Variants in NFIX observed in about 807,000 individuals in gnomAD.
The protein encoded by NFIX is nuclear factor I X.
A neutral mutation model predicts 53.3 loss-of-function variants in NFIX; 2 were observed. The ratio of observed to expected loss-of-function variants is 0.04; its 90% CI spans 0.02 to 0.12. NFIX has a LOEUF of 0.12. NFIX is among the 10% of genes least tolerant of loss of function. NFIX has a pLI of 1.00. For synonymous variants in NFIX, 244 were observed against 289.0 expected (o/e 0.84, Z 1.58); for missense variants, 310 against 674.5 (o/e 0.46, Z 5.99).
intron 5 of NFIX, among the ~76,000 whole-genome samples, chr19:13,074,783 G>T (rs1463900367): frequency 6.6e-6 from 1 of 151,444 alleles, no homozygotes; most frequent in African/African-American, 2.4e-5. Flanking sequence ...AAAAATATGG[G>T]ACTAGGCCAG....
Position 13,043,994 on chromosome 19 carries a change from C to T in NFIX, c.559+18442C>T, listed in dbSNP as rs929142550. The stretch of plus-strand genomic sequence containing the variant: ...TAAAAAAAAAGAAAAAAGAGAAAAT[C>T]GGGCCTTATATCATTTTCTACATCC... On this transcript the variant is annotated intron_variant, in intron 2 of 10. Coordinates refer to ENST00000592199, the MANE Select transcript of NFIX (RefSeq NM_001365902.3). This position sits in a 1 kb window ranked among gnomAD's most constrained non-coding sequence, Gnocchi z 4.0. Among the ~76,000 whole-genome samples, 3 of 152,148 alleles carry T rather than the reference C, an allele frequency of 2.0e-5. No individual in the cohort carries two copies. Among genetic ancestry groups the T allele is most frequent in the Admixed American group, 1.3e-4 (2 of 15,272 alleles).
chr19:13,070,933 C>T (rs1599838892), intron 2 of NFIX: 1 of 152,380 alleles, frequency 6.6e-6, no homozygotes, highest in East Asian at 1.9e-4. Flanking sequence ...TGGGTACGCG[C>T]ATGCGCATCC....
At chr19:13,017,670 G>C (rs1049339043) in intron 1 of NFIX, among the ~76,000 whole-genome samples, 4 of 152,214 alleles carry the variant, frequency 2.6e-5, no homozygotes, top group Non-Finnish European at 5.9e-5. Context: ...GGGATTTGCT[G>C]TGGTGCCTGG....
At chr19:13,033,210 T>G (rs2145226998) in intron 2 of NFIX, among the ~76,000 whole-genome samples, 1 of 152,176 alleles carries the variant, frequency 6.6e-6, no homozygotes, top group South Asian at 2.1e-4. Flanking sequence ...CATGTTTGAG[T>G]TTAAGGGTTG....
At chr19:13,079,298 T>C (rs948235065) in intron 7 of NFIX, among the ~76,000 whole-genome samples, 13 of 152,226 alleles carry the variant, frequency 8.5e-5, no homozygotes, top group African/African-American at 3.1e-4. Context: ...AGGTGGTACC[T>C]GGGCTGCTCC....
rs1409187842 is a variant in NFIX, at chr19:13,089,180, G to GGT, written c.1402+1046_1402+1047dup. On this transcript the variant is annotated intron_variant, in intron 9 of 10. Coordinates refer to ENST00000592199, the MANE Select transcript of NFIX (RefSeq NM_001365902.3). The surrounding 1 kb of genome is among the most constrained non-coding windows in gnomAD (Gnocchi z 4.8). ...AAGACATGAAGTCACAGTCATTGGA[G>GGT]GTGGGCAGGGTGGGGGATGGGAGCT... is the stretch of plus-strand genomic sequence containing the variant. 6.6e-6 allele frequency among the ~76,000 whole-genome samples: 1 copy of GGT among 152,220 alleles called. No individual in the cohort carries two copies. Among genetic ancestry groups the GGT allele is most frequent in the Non-Finnish European group, 1.5e-5 (1 of 68,036 alleles).
At position 13,005,174 on chromosome 19, in the gene NFIX, GC is replaced by G. The variant is rs1356335651; in HGVS notation, c.27+9312del. On this transcript the variant is annotated intron_variant, in intron 1 of 10. Transcript: ENST00000592199. This position sits in a 1 kb window ranked among gnomAD's most constrained non-coding sequence, Gnocchi z 4.7. ...GTGGGGCTGTCTCACTAATCCTTTGGCCTTTGACTCCCCAGTTCTGACCCCA... is the reference window on the plus strand; with the variant it reads ...GTGGGGCTGTCTCACTAATCCTTTGGCTTTGACTCCCCAGTTCTGACCCCA... 6.6e-6 allele frequency among the ~76,000 whole-genome samples: 1 copy of G among 152,190 alleles called. No homozygotes were observed. The highest frequency in any genetic ancestry group is 1.9e-4 in the East Asian group (1 of 5,206).
Position 13,013,172 on chromosome 19 carries a change from C to T in NFIX, c.28-11849C>T, listed in dbSNP as rs1423681800. ...TTGAATTTGGGGCGTCGAGGCCTCCCCACCCGTTGCTACCAGCCCTTTTGC... is the reference window on the plus strand; with the variant it reads ...TTGAATTTGGGGCGTCGAGGCCTCCTCACCCGTTGCTACCAGCCCTTTTGC... On this transcript the variant is annotated intron_variant, in intron 1 of 10. Coordinates refer to ENST00000592199, the MANE Select transcript of NFIX (RefSeq NM_001365902.3). The surrounding 1 kb of genome is among the most constrained non-coding windows in gnomAD (Gnocchi z 5.9). Among the ~76,000 whole-genome samples the T allele has an allele frequency of 6.6e-6, 1 of 152,170 alleles. No individual in the cohort carries two copies. Among genetic ancestry groups the T allele is most frequent in the African/African-American group, 2.4e-5 (1 of 41,428 alleles).
At chr19:13,053,066 T>C (rs2015426445) in intron 2 of NFIX, among the ~76,000 whole-genome samples, 2 of 152,140 alleles carry the variant, frequency 1.3e-5, no homozygotes, top group African/African-American at 2.4e-5. Flanking sequence ...AGTGCACACA[T>C]GTCTGGCAGG....
In NFIX at chr19:13,081,670, G is replaced by C. The variant is rs772344456; in HGVS notation, c.1079-10G>C. 5 of 1,609,932 alleles carry C rather than the reference G, an allele frequency of 3.1e-6. No homozygotes were observed. Among genetic ancestry groups the C allele is most frequent in the East Asian group, 4.5e-5 (2 of 44,788 alleles). ...CTGACGCCCTTTTTTCCCTGCCCAC[G>C]TGCATGCAGGGAGCCCCCGGGCCAC... On this transcript the variant is annotated splice_polypyrimidine_tract_variant and intron_variant, in intron 7 of 10. Transcript: ENST00000592199. This position sits in a 1 kb window ranked among gnomAD's most constrained non-coding sequence, Gnocchi z 4.7.
In NFIX at chr19:13,094,562, C is replaced by T; in HGVS notation, c.1495-73C>T. On this transcript the variant is annotated intron_variant, in intron 10 of 10. Coordinates refer to ENST00000592199, the MANE Select transcript of NFIX (RefSeq NM_001365902.3). This position sits in a 1 kb window ranked among gnomAD's most constrained non-coding sequence, Gnocchi z 4.3. ...GCTGGACCCTTGAGGGGCCAGGTCACTGGGCCAGGTAGGAGTGAGATGGGA... is the reference window on the plus strand; with the variant it reads ...GCTGGACCCTTGAGGGGCCAGGTCATTGGGCCAGGTAGGAGTGAGATGGGA... 6.7e-7 allele frequency: 1 copy of T among 1,498,554 alleles called. No individual in the cohort carries two copies. The highest frequency in any genetic ancestry group is 9.0e-7 in the Non-Finnish European group (1 of 1,115,272). 92.8% of individuals were successfully genotyped at this position (1,498,554 alleles called of 1,614,324 possible).
rs2014561483 is a variant in NFIX at position 13,040,762 on chromosome 19, A to G, written c.559+15210A>G. Among the ~76,000 whole-genome samples, 1 of 152,166 alleles carries G rather than the reference A, an allele frequency of 6.6e-6. No individual in the cohort carries two copies. The highest frequency in any genetic ancestry group is 6.5e-5 in the Admixed American group (1 of 15,278). On this transcript the variant is annotated intron_variant, in intron 2 of 10. Transcript: ENST00000592199. This position sits in a 1 kb window ranked among gnomAD's most constrained non-coding sequence, Gnocchi z 4.2. ...ATAGGGAGGGAGGTTTGTCTTTCAC[A>G]CACTCGCGCACACACACAGCCACTT...
At position 13,090,186 on chromosome 19, in the gene NFIX, C is replaced by T; in HGVS notation, c.1403-113C>T. 9 of 1,000,682 alleles carry T rather than the reference C, an allele frequency of 9.0e-6. No individual in the cohort carries two copies. Among genetic ancestry groups the T allele is most frequent in the South Asian group, 1.4e-5 (1 of 73,706 alleles). The allele number at this position is 1,000,682 out of a possible 1,614,324, so 62.0% of individuals were successfully genotyped here. A position where few individuals can be genotyped will look rare whatever the true frequency, so the allele number is the denominator to read the frequency against. ...ATCCTTCCCACTGCCAGCCTAAACT[C>T]GGGCAGCATGGTCTAACTCAGTCTC... is the stretch of plus-strand genomic sequence containing the variant. On this transcript the variant is annotated intron_variant, in intron 9 of 10. Coordinates refer to ENST00000592199, the MANE Select transcript of NFIX (RefSeq NM_001365902.3). The surrounding 1 kb of genome is among the most constrained non-coding windows in gnomAD (Gnocchi z 6.6).
intron 2 of NFIX, among the ~76,000 whole-genome samples, chr19:13,069,628 G>A (rs529839541): frequency 4.6e-5 from 7 of 152,220 alleles, no homozygotes; most frequent in Non-Finnish European, 8.8e-5. Flanking sequence ...GAGACAGAGC[G>A]TGGAGACTGA....
rs1483570164 is a variant in NFIX at position 13,078,744 on chromosome 19, T to TG, written c.1078+15dup. The stretch of plus-strand genomic sequence containing the variant: ...TGCTGGAGTCAGACCAGGTGAGAAA[T>TG]GGGGGGCCCCGGAGGGGGGCAGTTG... On this transcript the variant is annotated intron_variant, in intron 7 of 10. Coordinates refer to ENST00000592199, the MANE Select transcript of NFIX (RefSeq NM_001365902.3). The surrounding 1 kb of genome is among the most constrained non-coding windows in gnomAD (Gnocchi z 4.7). The TG allele has an allele frequency of 1.3e-6, 2 of 1,594,064 alleles. No individual in the cohort carries two copies. Among genetic ancestry groups the TG allele is most frequent in the Non-Finnish European group, 8.5e-7 (1 of 1,171,554 alleles).
Position 13,073,977 on chromosome 19 carries a change from A to T in NFIX, c.769A>T (p.Asn257Tyr). The T allele has an allele frequency of 6.2e-7, 1 of 1,613,850 alleles. No homozygotes were observed. Among genetic ancestry groups the T allele is most frequent in the Non-Finnish European group, 8.5e-7 (1 of 1,179,846 alleles). ...GGAGAGTCCCAGCTACTACAACATC[A>T]ACCAGGTGACCCTGGGGCGGCGGTC... ...DLESPSYYNINQVTLGRRSIT... is the reference protein window; with the variant it reads ...DLESPSYYNIYQVTLGRRSIT... The change falls in exon 5 of 11, where the codon AAC becomes TAC. Residue 257 changes from asparagine to tyrosine, a missense_variant. Transcript: ENST00000592199. The surrounding 1 kb of genome is among the most constrained non-coding windows in gnomAD (Gnocchi z 4.5).
intron 2 of NFIX, among the ~76,000 whole-genome samples, chr19:13,055,374 AG>A (rs1408446017): frequency 6.6e-6 from 1 of 152,052 alleles, no homozygotes; most frequent in Non-Finnish European, 1.5e-5. Context: ...CCGCAGGGTG[AG>A]GGTCCCCCGA....
At chr19:13,074,354 A>G (rs2016945320) in intron 5 of NFIX, among the ~76,000 whole-genome samples, 1 of 152,114 alleles carries the variant, frequency 6.6e-6, no homozygotes, top group African/African-American at 2.4e-5. Context: ...GGGTATGGGG[A>G]AAATGTTCCA....
At chr19:13,086,095 A>T (rs962688847) in intron 8 of NFIX, among the ~76,000 whole-genome samples, 1 of 152,266 alleles carries the variant, frequency 6.6e-6, no homozygotes, top group African/African-American at 2.4e-5. Flanking sequence ...TCTTTCATAC[A>T]GAGAGCTTCG....
Sources: allele counts gnomAD v4.1 joint callset (sites outside exome capture counted in the v4.1 genomes callset), GRCh38; gene constraint gnomAD v4.1.1; non-coding constraint Gnocchi (gnomAD v3.1); transcripts MANE v1.5; gene names NCBI Gene and HGNC (gene_info 2026-07-23, HGNC 2026-07-21).